Variants in FAM174C observed in about 807,000 individuals in gnomAD.
FAM174C encodes the protein family with sequence similarity 174 member C.
Under a neutral mutation model 12.3 loss-of-function variants are expected in FAM174C, and 19 were observed. The ratio of observed to expected loss-of-function variants is 1.55; its 90% CI spans 1.08 to 2.27. The LOEUF (loss-of-function observed/expected upper bound fraction) is 2.27, where lower values mean the gene tolerates loss of function less well. Ranked by LOEUF, FAM174C falls within the 30% of genes most tolerant of loss-of-function variation. FAM174C has a pLI of 0.00. For missense variants in FAM174C, 239 were observed against 190.2 expected, an observed-to-expected ratio of 1.26 and a Z score of -1.51; for synonymous variants, 147 against 103.5, an observed-to-expected ratio of 1.42 and a Z score of -2.55.
chr19:1,275,941 T>TCCCTCCCTCCCTCC (rs2081412217), intron 1 of FAM174C, 111 bp downstream of exon 1: 2 of 933,448 alleles, frequency 2.1e-6, no homozygotes, highest in African/African-American at 5.2e-5. Context: ...CCTCCCTCCC[T>TCCCTCCCTCCCTCC]CTCTCCCTGT....
At chr19:1,277,073 C>T (rs2081418716) in intron 1 of FAM174C, 110 bp from the exon 2 acceptor site, 1 of 1,424,166 alleles carries the variant, frequency 7.0e-7, no homozygotes, top group South Asian at 1.5e-5. Flanking sequence ...CCAGGGAGGT[C>T]TGCAGCAGGG....
At chr19:1,277,019 A>G (rs1168205201) in intron 1 of FAM174C, 164 bp from the exon 2 acceptor site, 2 of 1,099,276 alleles carry the variant, frequency 1.8e-6, no homozygotes, top group Non-Finnish European at 2.5e-6. Flanking sequence ...AGTGAATGGT[A>G]ATCACTTGGC....
In FAM174C at chr19:1,277,298, T is replaced by C. The variant is rs200278776; in HGVS notation, c.397T>C (p.Ter133ArgextTer2). The C allele has an allele frequency of 1.0e-4, 160 of 1,544,140 alleles. 1 individual carries two copies. The highest frequency in any genetic ancestry group is 2.8e-4 in the Admixed American group (14 of 50,872). Residue 133 changes from the stop codon to arginine, a stop_lost and splice_region_variant, in exon 2 of 3, where the codon TGA (stop) becomes CGA (arginine). Transcript: ENST00000409293. ...GGTGTTTGAGTCCCGGAATCTGAGATGGTGTGCACCCTTCCCCAGCTCTGG... is the reference window on the plus strand; with the variant it reads ...GGTGTTTGAGTCCCGGAATCTGAGACGGTGTGCACCCTTCCCCAGCTCTGG... ...ETVFESRNLR[*>R]
intron 2 of FAM174C, among the ~76,000 whole-genome samples, chr19:1,278,101 G>A (rs1378470298): frequency 1.6e-4 from 5 of 32,048 alleles, no homozygotes; most frequent in Non-Finnish European, 3.0e-4. Flanking sequence ...GCAGGAAAGC[G>A]GCTGCAGGGC....
At chr19:1,275,892 G>A (rs1049377102) in intron 1 of FAM174C, 62 bp downstream of exon 1, 8 of 1,467,942 alleles carry the variant, frequency 5.4e-6, no homozygotes, top group African/African-American at 1.4e-5. Context: ...CGCCTAGTGC[G>A]TCACGTGCCG....
At chr19:1,275,912 G>T (rs912503173) in intron 1 of FAM174C, 82 bp downstream of exon 1, 28 of 1,283,572 alleles carry the variant, frequency 2.2e-5, no homozygotes, top group South Asian at 1.3e-4. Context: ...GGGCCGCGGG[G>T]TCCTCCCCTC....
chr19:1,275,844 A>T lies in FAM174C; in HGVS notation c.281+14A>T. 6.5e-7 allele frequency: 1 copy of T among 1,534,114 alleles called. No homozygotes were observed. Among genetic ancestry groups the T allele is most frequent in the Non-Finnish European group, 8.7e-7 (1 of 1,145,472 alleles). On this transcript the variant is annotated intron_variant, in intron 1 of 2. Coordinates refer to ENST00000409293, the MANE Select transcript of FAM174C (RefSeq NM_017914.4). ...CCGGGCGTTTAGGTGCGTCAGGCGC[A>T]CGTGGGCGCCGTCTCTCAGCCTTGG...
rs1392726027 is a variant in FAM174C at position 1,278,787 on chromosome 19, A to G, written c.*10A>G. 1 of 1,612,646 alleles carries G rather than the reference A, an allele frequency of 6.2e-7. No homozygotes were observed. The highest frequency in any genetic ancestry group is 8.5e-7 in the Non-Finnish European group (1 of 1,179,832). Reference sequence around the variant, plus strand: ...ACCCCCTGCTTTCAGATGCTGAGCCAGGGAGGCGGCCCTTCCAGCAGCCAT... The same window carrying G: ...ACCCCCTGCTTTCAGATGCTGAGCCGGGGAGGCGGCCCTTCCAGCAGCCAT... On this transcript the variant is annotated 3_prime_UTR_variant, in exon 3 of 3. Transcript: ENST00000409293.
At chr19:1,278,386 G>A (rs937516108) in intron 2 of FAM174C, among the ~76,000 whole-genome samples, 6 of 152,112 alleles carry the variant, frequency 3.9e-5, no homozygotes, top group African/African-American at 1.4e-4. Context: ...GGTATGTTGC[G>A]CTGCAGTGTG....
Position 1,278,686 on chromosome 19 carries a change from G to A in FAM174C, c.*-91G>A, listed in dbSNP as rs1249661385. On this transcript the variant is annotated intron_variant, in intron 2 of 2. Coordinates refer to ENST00000409293, the MANE Select transcript of FAM174C (RefSeq NM_017914.4). ...CTGGTAGACCGAGGGGCCTGGACAG[G>A]CTGCCTGCCCCTGCCTGACCTGGGT... The A allele has an allele frequency of 1.9e-6, 3 of 1,572,124 alleles. No individual in the cohort carries two copies. The African/African-American group carries it at 4.1e-5, about 21-fold the overall frequency.
At chr19:1,275,954 G>A in intron 1 of FAM174C, 124 bp downstream of exon 1, 1 of 916,172 alleles carries the variant, frequency 1.1e-6, no homozygotes, top group Non-Finnish European at 1.6e-6. Flanking sequence ...CTCCCTGTTG[G>A]AGTGGGCGTG....
intron 2 of FAM174C, among the ~76,000 whole-genome samples, chr19:1,278,327 C>T (rs1466554433): frequency 6.6e-6 from 1 of 150,486 alleles, no homozygotes; most frequent in East Asian, 2.0e-4. Flanking sequence ...TAGGCCTGGG[C>T]ATCGAGGCAG....
chr19:1,277,028 G>A (rs1002377493), intron 1 of FAM174C, 155 bp from the exon 2 acceptor site: 4 of 1,178,916 alleles, frequency 3.4e-6, no homozygotes, highest in Admixed American at 2.9e-5. Flanking sequence ...TAATCACTTG[G>A]CGATTAGGAC....
Sources: gnomAD v4.1 joint callset for allele counts (sites outside exome capture counted in the v4.1 genomes callset) on GRCh38, gnomAD v4.1.1 for gene constraint, MANE v1.5 for transcripts, NCBI Gene and HGNC (gene_info 2026-07-23, HGNC 2026-07-21) for gene names.